The following DEAF1 variants were observed in gnomAD, a reference collection of about 807,000 sequenced individuals.
The protein encoded by DEAF1 is DEAF1 transcription factor, also known as deformed epidermal autoregulatory factor 1 homolog.
In DEAF1, 53 loss-of-function variants were observed where a neutral mutation model predicts 58.9. The observed-to-expected ratio is 0.90, with a 90% CI of 0.72 to 1.13. The LOEUF (loss-of-function observed/expected upper bound fraction) is 1.13. Ranked by LOEUF, DEAF1 falls within the 50% of genes most tolerant of loss-of-function variation. The pLI is 0.00. For synonymous variants in DEAF1, 385 were observed against 340.4 expected, an observed-to-expected ratio of 1.13 and a Z score of -1.44; for missense variants, 685 against 791.4, an observed-to-expected ratio of 0.87 and a Z score of 1.61.
At position 679,883 on chromosome 11, in the gene DEAF1, A is replaced by G. The variant is rs1860267771; in HGVS notation, c.998-67T>C. The G allele has an allele frequency of 1.9e-6, 3 of 1,600,284 alleles. No individual in the cohort carries two copies. In the African/African-American group the frequency reaches 4.0e-5, roughly 21 times the overall value. ...GCCCACGGCACACAGGTCCCGTGCCACCCACGGGCGCCAATCCTTGTGGGG... is the reference window on the plus strand; with the variant it reads ...GCCCACGGCACACAGGTCCCGTGCCGCCCACGGGCGCCAATCCTTGTGGGG... On this transcript the variant is annotated intron_variant, in intron 7 of 11. Coordinates refer to ENST00000382409, the MANE Select transcript of DEAF1 (RefSeq NM_021008.4).
chr11:673,813 G>T (rs920039734), intron 10 of DEAF1, among the ~76,000 whole-genome samples: 1 of 152,092 alleles, frequency 6.6e-6, no homozygotes, highest in African/African-American at 2.4e-5. Context: ...AAGTAGCTGA[G>T]AAACCTCCAC....
chr11:678,162 T>C (rs1860161691), intron 9 of DEAF1, among the ~76,000 whole-genome samples: 3 of 152,102 alleles, frequency 2.0e-5, no homozygotes, highest in South Asian at 2.1e-4. Context: ...TGAGCCAAGA[T>C]TGCGCCACTG....
At chr11:695,897 G>T, upstream of DEAF1, 1 of 1,204,944 alleles carries the variant, frequency 8.3e-7, no homozygotes. Flanking sequence ...CGGGCGCGGC[G>T]TTTCCCTGTG....
intron 11 of DEAF1, among the ~76,000 whole-genome samples, chr11:648,196 CTTTT>C (rs540249896): frequency 7.3e-5 from 9 of 123,380 alleles, no homozygotes; most frequent in African/African-American, 1.8e-4. Context: ...TTATCACTGC[CTTTT>C]TTTTTTTTTT....
intron 11 of DEAF1, among the ~76,000 whole-genome samples, chr11:648,182 A>T (rs951476662): frequency 2.0e-5 from 3 of 150,956 alleles, no homozygotes; most frequent in Non-Finnish European, 4.4e-5. Flanking sequence ...ATTAATTTTT[A>T]AAATTATCAC....
chr11:644,848 G>T lies in DEAF1; in HGVS notation c.1594-194C>A, dbSNP rs1015462760. ...AATACAGCCTTCCCCACACTCTCTT[G>T]GTTTGAGGAATTGGATCAAAAGGCA... On this transcript the variant is annotated intron_variant, in intron 11 of 11. Coordinates refer to ENST00000382409, the MANE Select transcript of DEAF1 (RefSeq NM_021008.4). The surrounding 1 kb of genome is among the most constrained non-coding windows in gnomAD (Gnocchi z 4.3). Among the ~76,000 whole-genome samples, 1 of 152,112 alleles carries T rather than the reference G, an allele frequency of 6.6e-6. No homozygotes were observed. The highest frequency in any genetic ancestry group is 1.5e-5 in the Non-Finnish European group (1 of 68,032).
chr11:692,805 A>G (rs1860890096), intron 1 of DEAF1, among the ~76,000 whole-genome samples: 1 of 151,812 alleles, frequency 6.6e-6, no homozygotes, highest in African/African-American at 2.4e-5. Context: ...GTGAGCTGAG[A>G]TCACACCATT....
chr11:648,257 C>T lies in DEAF1; in HGVS notation c.1594-3603G>A, dbSNP rs113752721. 9.5e-3 allele frequency among the ~76,000 whole-genome samples: 1,414 copies of T among 148,382 alleles called. 11 individuals are homozygous for T. Among genetic ancestry groups the T allele is most frequent in the Non-Finnish European group, 0.015 (1,019 of 67,590 alleles). ...TCTCCCAGGCTGGAGTGCTGTGGCA[C>T]GATCTCGGCTCACTGCAAGCTCCGC... On this transcript the variant is annotated intron_variant, in intron 11 of 11. Transcript: ENST00000382409.
upstream of DEAF1, chr11:699,864 G>A: frequency 2.3e-6 from 1 of 430,870 alleles, no homozygotes; most frequent in Non-Finnish European, 4.2e-6. Flanking sequence ...CCCCTGACCA[G>A]TCCTGTCCAC....
chr11:696,000 C>CGGCCT (rs199591823), upstream of DEAF1, among the ~76,000 whole-genome samples: 938 of 152,178 alleles, frequency 6.2e-3, 48 homozygotes, highest in East Asian at 0.13. Context: ...TCGAGAAGCG[C>CGGCCT]GGCCTGGCCT....
intron 10 of DEAF1, among the ~76,000 whole-genome samples, chr11:663,930 G>A (rs1342925825): frequency 6.6e-6 from 1 of 152,186 alleles, no homozygotes; most frequent in Non-Finnish European, 1.5e-5. Flanking sequence ...GGACAAAATA[G>A]GGCCGAGTGC....
intron 5 of DEAF1, among the ~76,000 whole-genome samples, chr11:685,981 TA>T (rs1383347510): frequency 2.3e-5 from 3 of 129,918 alleles, no homozygotes; most frequent in East Asian, 2.3e-4. Context: ...CTGTCCCTAT[TA>T]AAAAATACAA....
intron 5 of DEAF1, 71 bp from the exon 6 acceptor site, chr11:685,034 AT>A: frequency 8.3e-7 from 1 of 1,204,174 alleles, no homozygotes; most frequent in Non-Finnish European, 1.2e-6. Flanking sequence ...ATAATAGAAG[AT>A]TTCAACCACT....
intron 7 of DEAF1, among the ~76,000 whole-genome samples, chr11:680,671 C>T (rs1440325278): frequency 6.6e-6 from 1 of 152,204 alleles, no homozygotes; most frequent in East Asian, 1.9e-4. Context: ...TGTCAGGAAA[C>T]GTCCCCTGAG....
chr11:657,635 ACT>A (rs1282650740), intron 10 of DEAF1, among the ~76,000 whole-genome samples: 2 of 152,094 alleles, frequency 1.3e-5, no homozygotes, highest in African/African-American at 4.8e-5. Flanking sequence ...CAGACACCTG[ACT>A]CTGGTGAGGA....
At chr11:657,462 T>C (rs1375234280) in intron 10 of DEAF1, among the ~76,000 whole-genome samples, 7 of 151,982 alleles carry the variant, frequency 4.6e-5, no homozygotes, top group Non-Finnish European at 2.9e-5. Context: ...AAAACACATA[T>C]AAAATGAGCC....
intron 10 of DEAF1, among the ~76,000 whole-genome samples, chr11:655,526 G>A (rs894224417): frequency 1.8e-4 from 22 of 119,996 alleles, no homozygotes; most frequent in Admixed American, 1.7e-3. Flanking sequence ...CCCGCTATGC[G>A]CCCAGATCAT....
At chr11:689,380 C>CT (rs1564951667) in intron 2 of DEAF1, among the ~76,000 whole-genome samples, 1 of 133,740 alleles carries the variant, frequency 7.5e-6, no homozygotes, top group Non-Finnish European at 1.7e-5. Context: ...TAATTTTTTG[C>CT]ATTTTTTTTT....
Position 681,239 on chromosome 11 carries a change from C to T in DEAF1, c.871-150G>A, listed in dbSNP as rs1165387256. ...GTAAGCGCCCCTAAAGATCCCACCT[C>T]TTTTTCTTTTTTGAGACGGAGTTTC... On this transcript the variant is annotated intron_variant, in intron 6 of 11. Transcript: ENST00000382409. 3.5e-6 allele frequency: 4 copies of T among 1,142,072 alleles called. No homozygotes were observed. In the African/African-American group the frequency reaches 4.6e-5, roughly 13 times the overall value. 70.7% of individuals were successfully genotyped at this position (1,142,072 alleles called of 1,614,324 possible).
Sources: gnomAD v4.1 joint callset for allele counts (sites outside exome capture counted in the v4.1 genomes callset) on GRCh38, gnomAD v4.1.1 for gene constraint, Gnocchi (gnomAD v3.1) non-coding constraint, MANE v1.5 for transcripts, NCBI Gene and HGNC (gene_info 2026-07-23, HGNC 2026-07-21) for gene names.